GABRB3: variants seen among roughly 807,000 people sequenced by gnomAD.
The protein encoded by GABRB3 is gamma-aminobutyric acid type A receptor subunit beta3.
In GABRB3, 14 loss-of-function variants were observed where a neutral mutation model predicts 52.1. The observed-to-expected ratio is 0.27, with a 90% confidence interval of 0.18 to 0.42. GABRB3 has a LOEUF of 0.42. Ranked by LOEUF, GABRB3 falls within the 10% of genes least tolerant of loss-of-function variation. The probability of loss-of-function intolerance (pLI) is 1.00; values close to 1 mark genes in which losing one functional copy is unlikely to be tolerated. For missense variants in GABRB3, 307 were observed against 609.1 expected, an observed-to-expected ratio of 0.50 and a Z score of 5.22; for synonymous variants, 260 against 232.3, an observed-to-expected ratio of 1.12 and a Z score of -1.08.
At chr15:26,566,670 G>A (rs1320816881) in intron 7 of GABRB3, among the ~76,000 whole-genome samples, 1 of 152,014 alleles carries the variant, frequency 6.6e-6, no homozygotes, top group Non-Finnish European at 1.5e-5. Flanking sequence ...AGGCTGCAGT[G>A]AGCCGTAATC....
chr15:26,598,875 T>A lies in GABRB3; in HGVS notation c.462-15461A>T, dbSNP rs142686352. ...CTGTGGCACCAAACCACACCTCATA[T>A]ACTAGCCACAAAGCTGATTTGGTTG... is the stretch of plus-strand genomic sequence containing the variant. On this transcript the variant is annotated intron_variant, in intron 4 of 8. Transcript: ENST00000311550. Among the ~76,000 whole-genome samples, 296 of 152,302 alleles carry A rather than the reference T, an allele frequency of 1.9e-3. 6 individuals are homozygous for A. The East Asian group carries it at 0.036, about 19-fold the overall frequency.
intron 4 of GABRB3, among the ~76,000 whole-genome samples, chr15:26,587,322 C>G (rs1447392381): frequency 6.6e-6 from 1 of 152,048 alleles, no homozygotes; most frequent in African/African-American, 2.4e-5. Context: ...CTCAGAAAAC[C>G]CTCTCAGAGT....
chr15:26,670,494 G>T lies in GABRB3; in HGVS notation c.241-48960C>A, dbSNP rs112441405. Among the ~76,000 whole-genome samples the T allele has an allele frequency of 2.7e-3, 408 of 152,282 alleles. 2 individuals carry two copies. The highest frequency in any genetic ancestry group is 9.2e-3 in the African/African-American group (384 of 41,580). ...CGGCTTCGGAGCACGGCCTGGGAAG[G>T]GAGGAAGGGAAGAGAAGAGGAGCCC... is the stretch of plus-strand genomic sequence containing the variant. On this transcript the variant is annotated intron_variant, in intron 3 of 8. Transcript: ENST00000311550.
Position 26,713,857 on chromosome 15 carries a change from A to G in GABRB3, c.240+58545T>C, listed in dbSNP as rs77758680. ...TCAGCAAACCACACACCCTCAGGGGAAGAGACCCAAGAAGGAAGCAAACCC... is the reference window on the plus strand; with the variant it reads ...TCAGCAAACCACACACCCTCAGGGGGAGAGACCCAAGAAGGAAGCAAACCC... On this transcript the variant is annotated intron_variant, in intron 3 of 8. Coordinates refer to ENST00000311550, the MANE Select transcript of GABRB3 (RefSeq NM_000814.6). Among the ~76,000 whole-genome samples, 208 of 152,244 alleles carry G rather than the reference A, an allele frequency of 1.4e-3. 1 individual carries two copies. Among genetic ancestry groups the G allele is most frequent in the African/African-American group, 4.6e-3 (191 of 41,550 alleles).
intron 3 of GABRB3, among the ~76,000 whole-genome samples, chr15:26,639,135 T>C (rs1394055388): frequency 6.6e-6 from 1 of 152,150 alleles, no homozygotes; most frequent in East Asian, 1.9e-4. Context: ...TGTCTGAGGA[T>C]GGCCTCAGCA....
At chr15:26,655,410 G>A (rs915531739) in intron 3 of GABRB3, among the ~76,000 whole-genome samples, 1 of 152,084 alleles carries the variant, frequency 6.6e-6, no homozygotes, top group Admixed American at 6.5e-5. Flanking sequence ...TGCAGACTGG[G>A]GGTGAATGCA....
chr15:26,740,068 T>C (rs1422946792), intron 3 of GABRB3, among the ~76,000 whole-genome samples: 1 of 152,162 alleles, frequency 6.6e-6, no homozygotes, highest in African/African-American at 2.4e-5. Context: ...TAAGCCAGTG[T>C]GGGTATCATC....
intron 8 of GABRB3, 85 bp downstream of exon 8, chr15:26,560,847 A>G (rs1259060682): frequency 3.8e-6 from 6 of 1,591,482 alleles, no homozygotes; most frequent in Admixed American, 1.7e-5. Context: ...ACTACTGGGG[A>G]AAAAACAAAG....
chr15:26,660,178 C>T (rs369723838), intron 3 of GABRB3, among the ~76,000 whole-genome samples: 7 of 150,808 alleles, frequency 4.6e-5, no homozygotes, highest in African/African-American at 1.5e-4. Context: ...TGCGGTGAGT[C>T]GAGATCATGC....
chr15:26,715,969 G>T (rs1889453177), intron 3 of GABRB3, among the ~76,000 whole-genome samples: 1 of 152,150 alleles, frequency 6.6e-6, no homozygotes, highest in African/African-American at 2.4e-5. Flanking sequence ...AACAAGCCAT[G>T]GTAAGAACAC....
At chr15:26,638,537 C>G (rs113747795) in intron 3 of GABRB3, among the ~76,000 whole-genome samples, 1,916 of 152,318 alleles carry the variant, frequency 0.013, 39 homozygotes, top group African/African-American at 0.044. Context: ...GGAGACCCCT[C>G]TGAGTGCCAA....
At chr15:26,743,825 C>T (rs1890270261) in intron 3 of GABRB3, among the ~76,000 whole-genome samples, 1 of 152,180 alleles carries the variant, frequency 6.6e-6, no homozygotes, top group African/African-American at 2.4e-5. Context: ...AGATTGGTCA[C>T]CAGAGATGAA....
At chr15:26,559,145 A>C (rs1251713585) in intron 8 of GABRB3, among the ~76,000 whole-genome samples, 1 of 152,172 alleles carries the variant, frequency 6.6e-6, no homozygotes, top group East Asian at 1.9e-4. Context: ...ATTTGACGTG[A>C]GATTTGGGTG....
At chr15:26,719,424 A>G (rs1889586473) in intron 3 of GABRB3, among the ~76,000 whole-genome samples, 1 of 152,252 alleles carries the variant, frequency 6.6e-6, no homozygotes, top group Non-Finnish European at 1.5e-5. Context: ...ATGAAAATCC[A>G]TGGCACAATG....
intron 3 of GABRB3, among the ~76,000 whole-genome samples, chr15:26,667,830 A>G (rs759928411): frequency 4.6e-5 from 7 of 152,182 alleles, no homozygotes; most frequent in Non-Finnish European, 8.8e-5. Context: ...CACGTGACTC[A>G]GAGGCATGCT....
chr15:26,676,154 G>C (rs536566126), intron 3 of GABRB3, among the ~76,000 whole-genome samples: 13 of 152,326 alleles, frequency 8.5e-5, no homozygotes, highest in African/African-American at 3.1e-4. Flanking sequence ...ACCTTTCAAA[G>C]TTCCTGAGTT....
rs374800068 is a variant in GABRB3 at position 26,606,776 on chromosome 15, A to ATATCGATAGATAGATATATCTATC, written c.461+14537_461+14538insGATAGATATATCTATCTATCGATA. On this transcript the variant is annotated intron_variant, in intron 4 of 8. Coordinates refer to ENST00000311550, the MANE Select transcript of GABRB3 (RefSeq NM_000814.6). ...CATACATATCTGTCTATCTATAGAT[A>ATATCGATAGATAGATATATCTATC]GATAGATATATCTATAGATAGATAT... 1.1e-3 allele frequency among the ~76,000 whole-genome samples: 135 copies of ATATCGATAGATAGATATATCTATC among 118,400 alleles called. 4 individuals carry two copies. In the East Asian group the frequency reaches 0.017, roughly 15 times the overall value. 77.7% of individuals were successfully genotyped at this position (118,400 alleles called of 152,430 possible).
At chr15:26,649,311 T>A (rs8028530) in intron 3 of GABRB3, among the ~76,000 whole-genome samples, 3,876 of 152,098 alleles carry the variant, frequency 0.025, 160 homozygotes, top group African/African-American at 0.088. Flanking sequence ...TCTTCCATAT[T>A]AGGACACAGC....
intron 3 of GABRB3, among the ~76,000 whole-genome samples, chr15:26,688,284 T>G (rs1470367040): frequency 6.6e-6 from 1 of 152,098 alleles, no homozygotes; most frequent in African/African-American, 2.4e-5. Flanking sequence ...GATGAGCAAA[T>G]GCCAGCCGTG....
Sources: gnomAD v4.1 joint callset for allele counts (sites outside exome capture counted in the v4.1 genomes callset) on GRCh38, gnomAD v4.1.1 for gene constraint, MANE v1.5 for transcripts, NCBI Gene and HGNC (gene_info 2026-07-23, HGNC 2026-07-21) for gene names.